CROCC2: variants seen among roughly 807,000 people sequenced by gnomAD.
The protein encoded by CROCC2 is ciliary rootlet coiled-coil protein 2.
In CROCC2, 163 loss-of-function variants were observed where a neutral mutation model predicts 177.6. The observed-to-expected ratio is 0.92, with a 90% CI of 0.81 to 1.05. The LOEUF (loss-of-function observed/expected upper bound fraction) is 1.05. CROCC2 is among the 50% of genes least tolerant of loss of function. The probability of loss-of-function intolerance (pLI) is 0.00; values close to 1 mark genes in which losing one functional copy is unlikely to be tolerated. For missense variants in CROCC2, 1,929 were observed against 1,797.8 expected (o/e 1.07, Z -1.32); for synonymous variants, 904 against 787.3 (o/e 1.15, Z -2.48).
At chr2:240,945,419 G>T (rs1035290456) in intron 14 of CROCC2, among the ~76,000 whole-genome samples, 1 of 152,192 alleles carries the variant, frequency 6.6e-6, no homozygotes, top group African/African-American at 2.4e-5. Context: ...ATTTATCAGA[G>T]CCTCTCTGTT....
Position 240,932,575 on chromosome 2 carries a change from C to A in CROCC2, c.1045-127C>A, listed in dbSNP as rs573976574. ...GGCACGTCAGGAAGGTGTGGCCCCTCGCCTGTCCTCCCAGTGGCAAAGGTG... is the reference window on the plus strand; with the variant it reads ...GGCACGTCAGGAAGGTGTGGCCCCTAGCCTGTCCTCCCAGTGGCAAAGGTG... On this transcript the variant is annotated intron_variant, in intron 8 of 31. Coordinates refer to ENST00000690015, the MANE Select transcript of CROCC2 (RefSeq NM_001351305.2). The A allele has an allele frequency of 1.7e-4, 114 of 690,730 alleles. No individual in the cohort carries two copies. The African/African-American group carries it at 1.9e-3, about 11-fold the overall frequency. The allele number at this position is 690,730 out of a possible 1,614,324, so 42.8% of individuals were successfully genotyped here. A position where few individuals can be genotyped will look rare whatever the true frequency, so the allele number is the denominator to read the frequency against.
rs1489513657 is a variant in CROCC2 at position 240,948,966 on chromosome 2, T to C, written c.2364-13T>C. 6.5e-7 allele frequency: 1 copy of C among 1,550,226 alleles called. No individual in the cohort carries two copies. The highest frequency in any genetic ancestry group is 8.7e-7 in the Non-Finnish European group (1 of 1,146,890). ...TGGGGATGACTTGCCCATTGTTTGC[T>C]GCATCTTTGCAGGGTGGAGAGGGAC... On this transcript the variant is annotated splice_polypyrimidine_tract_variant and intron_variant, in intron 15 of 31. Coordinates refer to ENST00000690015, the MANE Select transcript of CROCC2 (RefSeq NM_001351305.2).
intron 18 of CROCC2, 117 bp downstream of exon 18, chr2:240,950,627 C>T (rs1188351260): frequency 1.2e-6 from 1 of 827,834 alleles, no homozygotes; most frequent in South Asian, 2.0e-5. Flanking sequence ...GCCTACCCAC[C>T]CATCCATCCA....
chr2:240,957,062 C>A (rs1254572765), intron 19 of CROCC2, among the ~76,000 whole-genome samples: 1 of 152,024 alleles, frequency 6.6e-6, no homozygotes, highest in Non-Finnish European at 1.5e-5. Flanking sequence ...CCTGAATAGA[C>A]ACAGGTGCGA....
intron 19 of CROCC2, chr2:240,959,066 T>C: frequency 2.0e-6 from 1 of 500,624 alleles, no homozygotes. Context: ...GCTGTGTCCG[T>C]GGGCACTCAC....
At chr2:240,913,003 C>G (rs1358033565) in intron 1 of CROCC2, among the ~76,000 whole-genome samples, 1 of 152,212 alleles carries the variant, frequency 6.6e-6, no homozygotes. Flanking sequence ...GAGGCAGATG[C>G]TCAGCCCATC....
chr2:240,920,037 T>C lies in CROCC2; in HGVS notation c.284T>C (p.Leu95Pro). 1.4e-6 allele frequency: 1 copy of C among 716,540 alleles called. No individual in the cohort carries two copies. Among genetic ancestry groups the C allele is most frequent in the Non-Finnish European group, 2.6e-6 (1 of 384,904 alleles). 44.4% of individuals were successfully genotyped at this position (716,540 alleles called of 1,614,324 possible). A position where few individuals can be genotyped will look rare whatever the true frequency, so the allele number is the denominator to read the frequency against. Reference protein sequence around the residue: ...TVARVQEENELLQEELTRLGD... With the variant: ...TVARVQEENEPLQEELTRLGD... Reference sequence around the variant, plus strand: ...GCCCGAGTGCAAGAGGAGAACGAGCTCCTGCAGGAGGAGCTGACCCGGCTG... The same window carrying C: ...GCCCGAGTGCAAGAGGAGAACGAGCCCCTGCAGGAGGAGCTGACCCGGCTG... Residue 95 changes from leucine (L) to proline (P), a missense_variant, in exon 3 of 32, where the codon CTC becomes CCC. By Grantham distance (98) the Leu-to-Pro change is moderately conservative (BLOSUM62 -3). Coordinates refer to ENST00000690015, the MANE Select transcript of CROCC2 (RefSeq NM_001351305.2).
intron 1 of CROCC2, among the ~76,000 whole-genome samples, chr2:240,913,246 T>G (rs1055011317): frequency 4.4e-5 from 4 of 90,948 alleles, no homozygotes; most frequent in Non-Finnish European, 8.7e-5. Context: ...CACAGACCCC[T>G]GGAGATGCAC....
intron 28 of CROCC2, among the ~76,000 whole-genome samples, chr2:240,987,080 C>T (rs2059845594): frequency 1.3e-5 from 2 of 152,244 alleles, no homozygotes; most frequent in Admixed American, 1.3e-4. Flanking sequence ...CAGTCACCAG[C>T]CCCTGCTGCT....
At chr2:240,930,533 G>A (rs1294914869) in intron 6 of CROCC2, among the ~76,000 whole-genome samples, 1 of 152,122 alleles carries the variant, frequency 6.6e-6, no homozygotes, top group African/African-American at 2.4e-5. Context: ...AGAGGAGGGT[G>A]AAGAGGACAC....
chr2:240,927,814 A>G (rs1340380418), intron 5 of CROCC2, among the ~76,000 whole-genome samples: 2 of 152,044 alleles, frequency 1.3e-5, no homozygotes, highest in Admixed American at 1.3e-4. Flanking sequence ...CCACGCCTGG[A>G]TAATTTTTGT....
intron 1 of CROCC2, among the ~76,000 whole-genome samples, chr2:240,914,459 C>T (rs551938723): frequency 5.3e-5 from 8 of 152,212 alleles, no homozygotes; most frequent in Admixed American, 6.5e-5. Context: ...AGCACTGGTC[C>T]GAGATGCCGT....
chr2:240,914,768 AG>A (rs1362835687), intron 1 of CROCC2, among the ~76,000 whole-genome samples: 1 of 152,134 alleles, frequency 6.6e-6, no homozygotes, highest in Non-Finnish European at 1.5e-5. Flanking sequence ...CAGCTGTCCA[AG>A]CAGGACGGGA....
In CROCC2 at chr2:240,965,916, C is replaced by T. The variant is rs973535774; in HGVS notation, c.3884C>T (p.Ser1295Phe). ...GAGGCCCAGCTGGGCCGGCTGTGCT[C>T]CACGCTCCGCCGTGGCCTGGGGCTC... ...DAEAQLGRLC[S>F]TLRRGLGLQR... The change falls in exon 24 of 32, where the codon TCC (serine) becomes TTC (phenylalanine). Residue 1295 changes from serine (S) to phenylalanine (F), a missense_variant. By Grantham distance (155) the Ser-to-Phe change is radical. This residue lies in a region of CROCC2 where 144 missense variants were observed against 205.2 expected (regional missense o/e 0.70). Transcript: ENST00000690015. The T allele has an allele frequency of 9.1e-6, 13 of 1,424,276 alleles. No homozygotes were observed. The African/African-American group carries it at 1.5e-4, about 16-fold the overall frequency. 88.2% of individuals were successfully genotyped at this position (1,424,276 alleles called of 1,614,324 possible). A position where few individuals can be genotyped will look rare whatever the true frequency, so the allele number is the denominator to read the frequency against.
chr2:240,919,812 C>G (rs2059346154), intron 2 of CROCC2, among the ~76,000 whole-genome samples, 171 bp from the exon 3 acceptor site: 1 of 152,170 alleles, frequency 6.6e-6, no homozygotes, highest in Non-Finnish European at 1.5e-5. Context: ...AAGTCTGCCT[C>G]CCTATGTTAG....
chr2:240,916,346 ACTCTACGCCCCCTGCGCCCCC>A (rs2059319865), intron 1 of CROCC2, among the ~76,000 whole-genome samples: 1 of 141,544 alleles, frequency 7.1e-6, no homozygotes, highest in Admixed American at 7.0e-5. Context: ...AGTCGCGCCC[ACTCTACGCCCCCTGCGCCCCC>A]CTCTGCGTCC....
chr2:240,950,265 C>G (rs375144746), intron 17 of CROCC2, 69 bp from the exon 18 acceptor site: 2 of 1,477,028 alleles, frequency 1.4e-6, no homozygotes, highest in African/African-American at 2.8e-5. Flanking sequence ...CCAGGTCTCA[C>G]TCAGGACCAT....
chr2:240,947,885 A>C (rs1030597383), intron 15 of CROCC2, among the ~76,000 whole-genome samples: 1 of 151,690 alleles, frequency 6.6e-6, no homozygotes, highest in Non-Finnish European at 1.5e-5. Flanking sequence ...CCAGGCCTCC[A>C]GTCCAGGGTC....
chr2:240,949,589 G>A lies in CROCC2; in HGVS notation c.2539G>A (p.Asp847Asn), dbSNP rs868431504. The A allele has an allele frequency of 6.4e-7, 1 of 1,550,576 alleles. No homozygotes were observed. Among genetic ancestry groups the A allele is most frequent in the African/African-American group, 1.4e-5 (1 of 73,170 alleles). Residue 847 changes from aspartate to asparagine, a missense_variant, in exon 17 of 32, where the codon GAC becomes AAC. By Grantham distance (23) the Asp-to-Asn change is conservative. Around this residue, in one of 3 missense-constraint regions of CROCC2, gnomAD observed 1,397 missense variants for 1,239.9 expected, o/e 1.13. Coordinates refer to ENST00000690015, the MANE Select transcript of CROCC2 (RefSeq NM_001351305.2). This position sits in a 1 kb window ranked among gnomAD's most constrained non-coding sequence, Gnocchi z 4.5. ...GGTCCAGGAAATGAAGCTGCGGCAGGACACGGTGCGGCTCCAGCGACAGGT... is the reference window on the plus strand; with the variant it reads ...GGTCCAGGAAATGAAGCTGCGGCAGAACACGGTGCGGCTCCAGCGACAGGT... The part of the protein sequence containing the change: ...WEVQEMKLRQ[D>N]TVRLQRQVAQ...
Sources: allele counts gnomAD v4.1 joint callset (sites outside exome capture counted in the v4.1 genomes callset), GRCh38; gene constraint gnomAD v4.1.1; regional missense constraint gnomAD v4.1.1; non-coding constraint Gnocchi (gnomAD v3.1); transcripts MANE v1.5; gene names NCBI Gene and HGNC (gene_info 2026-07-23, HGNC 2026-07-21).